FYN: variants seen among roughly 807,000 people sequenced by gnomAD.
The protein encoded by FYN is FYN proto-oncogene, Src family tyrosine kinase.
In FYN, 10 loss-of-function variants were observed where a neutral mutation model predicts 70.2. That is an observed-to-expected ratio of 0.14 (90% CI 0.09 to 0.24). FYN has a LOEUF of 0.24. Among genes scored for constraint, FYN ranks in the 10% least tolerant of loss-of-function variants. The pLI is 1.00. For synonymous variants in FYN, 236 were observed against 248.6 expected (o/e 0.95, Z 0.48); for missense variants, 319 against 673.1 (o/e 0.47, Z 5.82).
chr6:111,740,863 C>T (rs1801929352), intron 3 of FYN: 1 of 152,186 alleles, frequency 6.6e-6, no homozygotes, highest in Non-Finnish European at 1.5e-5. Context: ...GGTTTTTCCT[C>T]TTTGGGAGGT....
intron 3 of FYN, among the ~76,000 whole-genome samples, chr6:111,753,636 C>CAA (rs79090425): frequency 1.5e-5 from 2 of 132,726 alleles, no homozygotes. Flanking sequence ...GGGCCTAAAC[C>CAA]AAAAAAAAAA....
chr6:111,852,658 G>A (rs1424049150), intron 1 of FYN, among the ~76,000 whole-genome samples: 2 of 151,978 alleles, frequency 1.3e-5, no homozygotes, highest in Non-Finnish European at 2.9e-5. Context: ...TGTGTTGGGT[G>A]CAGTAAAAAT....
chr6:111,864,581 T>C (rs1454126640), intron 1 of FYN, among the ~76,000 whole-genome samples: 1 of 152,078 alleles, frequency 6.6e-6, no homozygotes, highest in Admixed American at 6.5e-5. Flanking sequence ...GAGGTGGTAA[T>C]CAGGTGCTCT....
intron 2 of FYN, among the ~76,000 whole-genome samples, chr6:111,797,693 T>C (rs1236356976): frequency 3.8e-5 from 3 of 77,930 alleles, no homozygotes; most frequent in Non-Finnish European, 6.3e-5. Flanking sequence ...TATATATATA[T>C]ATATATATAT....
chr6:111,792,079 C>T (rs1317050478), intron 2 of FYN, among the ~76,000 whole-genome samples: 2 of 152,122 alleles, frequency 1.3e-5, no homozygotes, highest in African/African-American at 2.4e-5. Context: ...ATGACATCAA[C>T]AGAATCAAAG....
chr6:111,754,237 C>T (rs769703350), intron 3 of FYN, among the ~76,000 whole-genome samples: 18 of 152,160 alleles, frequency 1.2e-4, no homozygotes, highest in Non-Finnish European at 2.2e-4. Flanking sequence ...ATTTCTGGGC[C>T]CCAAGTTGGG....
chr6:111,834,569 A>C (rs912874194), intron 2 of FYN, among the ~76,000 whole-genome samples: 8 of 152,136 alleles, frequency 5.3e-5, no homozygotes, highest in African/African-American at 1.7e-4. Flanking sequence ...TATCCAGGCT[A>C]CTGCTGATGG....
intron 2 of FYN, among the ~76,000 whole-genome samples, chr6:111,825,001 C>T (rs1459820062): frequency 6.6e-6 from 1 of 152,164 alleles, no homozygotes; most frequent in Non-Finnish European, 1.5e-5. Context: ...GCAGGCATTG[C>T]CTCAGATGGT....
At chr6:111,801,497 G>T (rs1771983278) in intron 2 of FYN, among the ~76,000 whole-genome samples, 1 of 152,130 alleles carries the variant, frequency 6.6e-6, no homozygotes, top group Non-Finnish European at 1.5e-5. Context: ...ATAGACATTT[G>T]TTGGCTAGGG....
chr6:111,708,248 A>C (rs1800197608), intron 5 of FYN: 1 of 441,032 alleles, frequency 2.3e-6, no homozygotes, highest in Admixed American at 3.4e-5. Flanking sequence ...TTATTTGTGA[A>C]TTAAGAATGT....
chr6:111,751,856 CA>C (rs1562505314), intron 3 of FYN, among the ~76,000 whole-genome samples: 1 of 152,064 alleles, frequency 6.6e-6, no homozygotes, highest in Non-Finnish European at 1.5e-5. Flanking sequence ...TGAGCTCAAG[CA>C]ACCCTCTTGC....
At chr6:111,764,052 G>A (rs574198675) in intron 3 of FYN, among the ~76,000 whole-genome samples, 1 of 152,042 alleles carries the variant, frequency 6.6e-6, no homozygotes, top group East Asian at 1.9e-4. Flanking sequence ...TCCAGCTATA[G>A]GTGAAGCAAG....
At chr6:111,771,503 C>A (rs1335874817) in intron 3 of FYN, among the ~76,000 whole-genome samples, 1 of 151,924 alleles carries the variant, frequency 6.6e-6, no homozygotes, top group Non-Finnish European at 1.5e-5. Flanking sequence ...ACCCAACTTT[C>A]CCCCTCTTCA....
chr6:111,831,838 T>C (rs1354055268), intron 2 of FYN, among the ~76,000 whole-genome samples: 4 of 152,208 alleles, frequency 2.6e-5, no homozygotes, highest in Admixed American at 6.5e-5. Flanking sequence ...TTGGGGCATG[T>C]AGAAATTCAT....
At chr6:111,789,966 T>G (rs1583446976) in intron 2 of FYN, among the ~76,000 whole-genome samples, 1 of 152,148 alleles carries the variant, frequency 6.6e-6, no homozygotes, top group Non-Finnish European at 1.5e-5. Flanking sequence ...AAGTTAATAA[T>G]GATGTGTGCA....
Position 111,706,891 on chromosome 6 carries a change from C to T in FYN, c.443+1031G>A, listed in dbSNP as rs535236839. On this transcript the variant is annotated intron_variant, in intron 6 of 13. Coordinates refer to ENST00000354650, the MANE Select transcript of FYN (RefSeq NM_002037.5). Reference sequence around the variant, plus strand: ...ACCTTGATTCACTGATGACGAAACACAGTCACTAGGAGAAAGAAACAACTA... The same window carrying T: ...ACCTTGATTCACTGATGACGAAACATAGTCACTAGGAGAAAGAAACAACTA... 3.3e-5 allele frequency among the ~76,000 whole-genome samples: 5 copies of T among 152,268 alleles called. No homozygotes were observed. The South Asian group carries it at 8.3e-4, about 25-fold the overall frequency.
In FYN at chr6:111,674,476, T is replaced by C. The variant is rs779126245; in HGVS notation, c.1405+23A>G. The stretch of plus-strand genomic sequence containing the variant: ...AAAAAAGCCTCCAATCTCAGGCCCA[T>C]GTCTGTGAGGCCCTGCTCTTACCTG... On this transcript the variant is annotated intron_variant, in intron 13 of 13. Transcript: ENST00000354650. 44 of 1,596,814 alleles carry C rather than the reference T, an allele frequency of 2.8e-5. 1 individual carries two copies. The highest frequency in any genetic ancestry group is 4.5e-5 in the East Asian group (2 of 44,252).
intron 3 of FYN, among the ~76,000 whole-genome samples, chr6:111,729,351 G>C (rs1801340313): frequency 6.6e-6 from 1 of 151,868 alleles, no homozygotes; most frequent in Admixed American, 6.6e-5. Context: ...GCAGGCACCT[G>C]TAAACCTAGC....
chr6:111,676,137 G>T (rs1291506853), intron 12 of FYN, among the ~76,000 whole-genome samples: 2 of 152,168 alleles, frequency 1.3e-5, no homozygotes, highest in African/African-American at 4.8e-5. Context: ...TTAATAGCCA[G>T]AGGTATGATA....
Sources: allele counts gnomAD v4.1 joint callset (sites outside exome capture counted in the v4.1 genomes callset), GRCh38; gene constraint gnomAD v4.1.1; transcripts MANE v1.5; gene names NCBI Gene and HGNC (gene_info 2026-07-23, HGNC 2026-07-21).